FARP1: variants seen among roughly 807,000 people sequenced by gnomAD.
FARP1 encodes the protein FERM, ARHGEF and pleckstrin domain-containing protein 1.
In FARP1, 52 loss-of-function variants were observed where a neutral mutation model predicts 128.8. The observed-to-expected ratio is 0.40, with a 90% CI of 0.32 to 0.51. The LOEUF (loss-of-function observed/expected upper bound fraction) is 0.51, where lower values mean the gene tolerates loss of function less well. Ranked by LOEUF, FARP1 falls within the 20% of genes least tolerant of loss-of-function variation. The pLI is 0.45. For missense variants in FARP1, 1,333 were observed against 1,367.9 expected, an observed-to-expected ratio of 0.97 and a Z score of 0.40; for synonymous variants, 580 against 551.8, an observed-to-expected ratio of 1.05 and a Z score of -0.72.
rs1479558300 is a variant in FARP1, at chr13:98,448,567, T to G, written c.*250T>G. On this transcript the variant is annotated 3_prime_UTR_variant, in exon 27 of 27. Transcript: ENST00000319562. ...TTAGCTAGTGCCAGTATTAAAACAT[T>G]GTCATTACGAGAGTGCCAAATGACA... 1 of 486,632 alleles carries G rather than the reference T, an allele frequency of 2.1e-6. No homozygotes were observed. Among genetic ancestry groups the G allele is most frequent in the Non-Finnish European group, 3.7e-6 (1 of 271,870 alleles). 30.1% of individuals were successfully genotyped at this position (486,632 alleles called of 1,614,324 possible). A position where few individuals can be genotyped will look rare whatever the true frequency, so the allele number is the denominator to read the frequency against.
intron 16 of FARP1, among the ~76,000 whole-genome samples, chr13:98,416,418 C>T (rs1387410926): frequency 2.0e-5 from 3 of 152,094 alleles, no homozygotes; most frequent in Non-Finnish European, 4.4e-5. Flanking sequence ...GGAAGTTTTC[C>T]GGAATGATTA....
intron 1 of FARP1, among the ~76,000 whole-genome samples, chr13:98,183,706 G>A (rs1366499558): frequency 1.3e-5 from 2 of 152,134 alleles, no homozygotes. Flanking sequence ...GCTGTTTGCC[G>A]CAAAAACTGG....
intron 24 of FARP1, among the ~76,000 whole-genome samples, chr13:98,443,625 C>T (rs1892623798): frequency 6.6e-6 from 1 of 152,204 alleles, no homozygotes; most frequent in Admixed American, 6.5e-5. Flanking sequence ...ACCGTGTGGC[C>T]TCACTGGCCT....
chr13:98,241,802 T>C (rs1056474326), intron 2 of FARP1, among the ~76,000 whole-genome samples: 6 of 152,026 alleles, frequency 3.9e-5, no homozygotes, highest in African/African-American at 1.2e-4. Flanking sequence ...GCCTGTGATC[T>C]CAGCTACTTG....
chr13:98,178,375 T>C (rs1878257596), intron 1 of FARP1, among the ~76,000 whole-genome samples: 1 of 152,066 alleles, frequency 6.6e-6, no homozygotes, highest in South Asian at 2.1e-4. Flanking sequence ...TCTGTGTTTT[T>C]AGTAGCGACA....
rs565883100 is a variant in FARP1, at chr13:98,154,318, T to G, written c.-24+10826T>G. On this transcript the variant is annotated intron_variant, in intron 1 of 26. Transcript: ENST00000319562. ...AAGTGAAATCCTTGTCAGCACTTGG[T>G]ATCGTATTTTTTATTTTAGCCATTT... 6.6e-5 allele frequency among the ~76,000 whole-genome samples: 10 copies of G among 152,348 alleles called. No individual in the cohort carries two copies. In the South Asian group the frequency reaches 2.1e-3, roughly 32 times the overall value.
rs1184304743 is a variant in FARP1, at chr13:98,379,196, AAT to A, written c.496+1288_496+1289del. 3.4e-3 allele frequency among the ~76,000 whole-genome samples: 234 copies of A among 68,324 alleles called. 41 individuals carry two copies. Among genetic ancestry groups the A allele is most frequent in the East Asian group, 0.017 (34 of 1,996 alleles). 44.8% of individuals were successfully genotyped at this position (68,324 alleles called of 152,430 possible). On this transcript the variant is annotated intron_variant, in intron 6 of 26. Transcript: ENST00000319562. ...TCTATATATAATATATATAATATAT[AAT>A]ATATATATAATATATAATATATAAT...
intron 2 of FARP1, among the ~76,000 whole-genome samples, chr13:98,213,824 AGG>A (rs1015441847): frequency 6.6e-6 from 1 of 152,080 alleles, no homozygotes; most frequent in South Asian, 2.1e-4. Flanking sequence ...TGTTTGTGGC[AGG>A]GGGGCTGTCG....
intron 5 of FARP1, among the ~76,000 whole-genome samples, chr13:98,371,780 A>C (rs1354641410): frequency 6.6e-6 from 1 of 152,182 alleles, no homozygotes; most frequent in Non-Finnish European, 1.5e-5. Context: ...CATACACAGA[A>C]GTGGGACAGA....
intron 13 of FARP1, chr13:98,405,847 G>T (rs1890951093): frequency 2.6e-5 from 4 of 152,196 alleles, no homozygotes; most frequent in African/African-American, 9.7e-5. Flanking sequence ...TAATTTCATG[G>T]AGTAGCAATG....
At chr13:98,376,688 A>G (rs566793020) in intron 5 of FARP1, among the ~76,000 whole-genome samples, 1 of 145,462 alleles carries the variant, frequency 6.9e-6, no homozygotes, top group African/African-American at 2.6e-5. Context: ...TTTTTCAGGA[A>G]CCTCCAAACT....
At position 98,449,965 on chromosome 13, in the gene FARP1, C is replaced by G. The variant is rs2139206014; in HGVS notation, c.*1648C>G. 6.6e-6 allele frequency: 1 copy of G among 152,368 alleles called. No individual in the cohort carries two copies. 9.4% of individuals were successfully genotyped at this position (152,368 alleles called of 1,614,324 possible). A position where few individuals can be genotyped will look rare whatever the true frequency, so the allele number is the denominator to read the frequency against. On this transcript the variant is annotated 3_prime_UTR_variant, in exon 27 of 27. Transcript: ENST00000319562. ...CCGGGCCACACAGCAGCATCAGGCT[C>G]CCTCCAGAAGTCACCACTCACTCAT... is the stretch of plus-strand genomic sequence containing the variant.
chr13:98,261,539 G>A (rs12864574), intron 2 of FARP1, among the ~76,000 whole-genome samples: 1 of 147,310 alleles, frequency 6.8e-6, no homozygotes, highest in East Asian at 2.0e-4. Context: ...TTTTTGCCTA[G>A]AAAGTTTGCT....
chr13:98,312,967 T>C (rs142165814), intron 2 of FARP1, among the ~76,000 whole-genome samples: 1 of 152,226 alleles, frequency 6.6e-6, no homozygotes, highest in African/African-American at 2.4e-5. Flanking sequence ...AGTCAAGCTG[T>C]TTTAGGTTGA....
chr13:98,322,562 AGTGCTCCTTAGCCG>A (rs1887043917), intron 2 of FARP1, among the ~76,000 whole-genome samples: 3 of 124,406 alleles, frequency 2.4e-5, no homozygotes, highest in Non-Finnish European at 5.5e-5. Flanking sequence ...CTTAGCCGTC[AGTGCTCCTTAGCCG>A]AGTACAGTTC....
chr13:98,326,338 C>T (rs1425105489), intron 2 of FARP1, among the ~76,000 whole-genome samples: 2 of 152,168 alleles, frequency 1.3e-5, no homozygotes, highest in Non-Finnish European at 2.9e-5. Context: ...ATAAAATTTA[C>T]CACCTTCATC....
intron 6 of FARP1, chr13:98,382,256 TA>T (rs1889913701): frequency 6.6e-6 from 1 of 151,960 alleles, no homozygotes; most frequent in South Asian, 2.1e-4. Context: ...AGATTTTGAG[TA>T]TGTGTCTGTT....
chr13:98,275,071 A>T (rs999529312), intron 2 of FARP1, among the ~76,000 whole-genome samples: 1 of 152,200 alleles, frequency 6.6e-6, no homozygotes, highest in African/African-American at 2.4e-5. Context: ...ACAGGACTGC[A>T]TTTATCTGAC....
At chr13:98,362,606 C>T (rs554458101) in intron 3 of FARP1, among the ~76,000 whole-genome samples, 8 of 152,308 alleles carry the variant, frequency 5.3e-5, no homozygotes, top group East Asian at 1.9e-4. Context: ...TTAGACTCTA[C>T]GCTGGCCGTC....
Sources: gnomAD v4.1 joint callset for allele counts (sites outside exome capture counted in the v4.1 genomes callset) on GRCh38, gnomAD v4.1.1 for gene constraint, MANE v1.5 for transcripts, NCBI Gene and HGNC (gene_info 2026-07-23, HGNC 2026-07-21) for gene names.